Variants in ECT2L observed in about 807,000 individuals in gnomAD.
The protein encoded by ECT2L is epithelial cell transforming 2 like, also known as epithelial cell-transforming sequence 2 oncogene-like.
A neutral mutation model predicts 122.8 loss-of-function variants in ECT2L; 126 were observed. The observed-to-expected ratio is 1.03, with a 90% confidence interval of 0.89 to 1.19. The LOEUF is 1.19. Ranked by LOEUF, ECT2L falls within the 50% of genes most tolerant of loss-of-function variation. ECT2L has a pLI of 0.00. For missense variants in ECT2L, 1,012 were observed against 1,064.1 expected (o/e 0.95, Z 0.68); for synonymous variants, 385 against 381.8 (o/e 1.01, Z -0.10).
At chr6:138,841,399 G>A (rs928002352) in intron 5 of ECT2L, among the ~76,000 whole-genome samples, 1 of 152,200 alleles carries the variant, frequency 6.6e-6, no homozygotes, top group Admixed American at 6.5e-5. Context: ...CACGTCTAGT[G>A]CTAGGAACAA....
intron 9 of ECT2L, among the ~76,000 whole-genome samples, chr6:138,851,166 T>C (rs961979632): frequency 6.6e-6 from 1 of 152,064 alleles, no homozygotes; most frequent in East Asian, 1.9e-4. Flanking sequence ...ATTTTCTGTG[T>C]GTATCTGTGC....
At chr6:138,820,688 T>C (rs370739425) in intron 4 of ECT2L, among the ~76,000 whole-genome samples, 2 of 152,314 alleles carry the variant, frequency 1.3e-5, no homozygotes, top group East Asian at 3.9e-4. Context: ...AGATTCCTTT[T>C]ACACACAGGA....
chr6:138,900,892 T>C, intron 20 of ECT2L, 56 bp from the exon 21 acceptor site: 3 of 1,543,302 alleles, frequency 1.9e-6, no homozygotes, highest in Non-Finnish European at 2.6e-6. Flanking sequence ...TGCTTAACTA[T>C]GTAACAAAGC....
intron 21 of ECT2L, 97 bp downstream of exon 21, chr6:138,901,217 A>G (rs1007838672): frequency 4.7e-6 from 6 of 1,281,196 alleles, no homozygotes; most frequent in Non-Finnish European, 5.4e-6. Flanking sequence ...TGGAATTATA[A>G]TTTACCAGGT....
chr6:138,825,105 C>A (rs547972500), intron 4 of ECT2L, among the ~76,000 whole-genome samples: 6 of 152,238 alleles, frequency 3.9e-5, no homozygotes, highest in African/African-American at 1.4e-4. Flanking sequence ...CTAGGCCAGA[C>A]GGTCAGGGAA....
At position 138,901,095 on chromosome 6, in the gene ECT2L, C is replaced by T; in HGVS notation, c.2562C>T (p.Leu854=). 1 of 1,614,048 alleles carries T rather than the reference C, an allele frequency of 6.2e-7. No homozygotes were observed. The highest frequency in any genetic ancestry group is 8.5e-7 in the Non-Finnish European group (1 of 1,179,978). The change falls in exon 21 of 22, where the codon CTC becomes CTT. Residue 854 remains leucine, a synonymous_variant. Coordinates refer to ENST00000541398, the MANE Select transcript of ECT2L (RefSeq NM_001077706.3). The part of the protein sequence containing the change: ...FIASVALHRL[L]IENIPDSKYV... ...CATCAGTGGCCCTTCATCGGTTACT[C>T]ATAGAAAATATTCCAGATTCCAAGT...
Position 138,881,180 on chromosome 6 carries a change from T to C in ECT2L, c.1880+9T>C. On this transcript the variant is annotated intron_variant, in intron 15 of 21. Coordinates refer to ENST00000541398, the MANE Select transcript of ECT2L (RefSeq NM_001077706.3). The stretch of plus-strand genomic sequence containing the variant: ...ATTTTAAGTCTCAACAGGTAAACCC[T>C]GAATATGTATTTTTTTTAATATTCA... The C allele has an allele frequency of 6.2e-7, 1 of 1,610,918 alleles. No individual in the cohort carries two copies. Among genetic ancestry groups the C allele is most frequent in the Non-Finnish European group, 8.5e-7 (1 of 1,178,062 alleles).
intron 5 of ECT2L, among the ~76,000 whole-genome samples, chr6:138,839,120 A>T (rs1377444506): frequency 6.6e-6 from 1 of 152,166 alleles, no homozygotes; most frequent in Non-Finnish European, 1.5e-5. Flanking sequence ...TTTATGCTTT[A>T]GATTTTGTAT....
chr6:138,887,026 A>G, intron 19 of ECT2L, 104 bp downstream of exon 19: 2 of 905,054 alleles, frequency 2.2e-6, no homozygotes, highest in Non-Finnish European at 3.6e-6. Context: ...TATTTGTGGA[A>G]TGCCTGCTAC....
chr6:138,849,179 G>T (rs910780224), intron 8 of ECT2L, 90 bp from the exon 9 acceptor site: 6 of 1,235,390 alleles, frequency 4.9e-6, no homozygotes, highest in Non-Finnish European at 6.4e-6. Context: ...TAGAAATCAC[G>T]GCGTATTTTG....
chr6:138,882,785 G>T lies in ECT2L; in HGVS notation c.1942G>T (p.Glu648Ter). The change falls in exon 16 of 22, where the codon GAA becomes TAA. Residue 648 changes from glutamate to a stop codon, truncating the protein, a stop_gained. Coordinates refer to ENST00000541398, the MANE Select transcript of ECT2L (RefSeq NM_001077706.3). LOFTEE classifies it high-confidence loss of function. ...QEWGPAHCVG[E>*]IVTKFGSQLN... ...ATGGGGCCCAGCTCACTGTGTGGGA[G>T]AAATAGTCACGAAGTTTGGAAGCCA... 1 of 1,614,188 alleles carries T rather than the reference G, an allele frequency of 6.2e-7. No individual in the cohort carries two copies. The highest frequency in any genetic ancestry group is 8.5e-7 in the Non-Finnish European group (1 of 1,180,034).
chr6:138,902,793 T>C lies in ECT2L; in HGVS notation c.*166T>C, dbSNP rs1779448033. ...TCCAACTTTTAAACTTTATCACTTG[T>C]GCTCACTTATGTAGAATGTATAAGT... On this transcript the variant is annotated 3_prime_UTR_variant, in exon 22 of 22. Coordinates refer to ENST00000541398, the MANE Select transcript of ECT2L (RefSeq NM_001077706.3). 2.6e-6 allele frequency: 2 copies of C among 780,698 alleles called. No individual in the cohort carries two copies. Among genetic ancestry groups the C allele is most frequent in the Non-Finnish European group, 4.0e-6 (2 of 499,764 alleles). 48.4% of individuals were successfully genotyped at this position (780,698 alleles called of 1,614,324 possible). A position where few individuals can be genotyped will look rare whatever the true frequency, so the allele number is the denominator to read the frequency against.
chr6:138,821,754 C>A (rs532001987), intron 4 of ECT2L, among the ~76,000 whole-genome samples: 1 of 152,160 alleles, frequency 6.6e-6, no homozygotes, highest in African/African-American at 2.4e-5. Flanking sequence ...GTGAGCAGAG[C>A]GGAAAAGGGC....
rs1367983796 is a variant in ECT2L at position 138,844,463 on chromosome 6, G to A, written c.647G>A (p.Ser216Asn). The A allele has an allele frequency of 8.1e-6, 13 of 1,614,038 alleles. No homozygotes were observed. The highest frequency in any genetic ancestry group is 9.3e-6 in the Non-Finnish European group (11 of 1,180,024). ...PPWVSGTCCSSVLKPRCQPRL... is the reference protein window; with the variant it reads ...PPWVSGTCCSNVLKPRCQPRL... ...TGGGTGAGTGGAACTTGCTGCTCTA[G>A]CGTGCTAAAGCCCAGATGCCAACCA... The change falls in exon 7 of 22, where the codon AGC becomes AAC. Residue 216 changes from serine to asparagine, a missense_variant. Ser to Asn is a conservative substitution (Grantham distance 46). Transcript: ENST00000541398.
At chr6:138,814,700 GAA>G in intron 4 of ECT2L, 97 bp downstream of exon 4, 1 of 672,638 alleles carries the variant, frequency 1.5e-6, no homozygotes, top group Non-Finnish European at 2.3e-6. Flanking sequence ...TTCCTAGGGA[GAA>G]AAAAAAACAA....
At chr6:138,880,764 G>C (rs1041771581) in intron 14 of ECT2L, among the ~76,000 whole-genome samples, 193 bp from the exon 15 acceptor site, 8 of 152,292 alleles carry the variant, frequency 5.3e-5, no homozygotes, top group Middle Eastern at 6.8e-3. Flanking sequence ...TGGCCATCAG[G>C]CTGGCCCCAT....
chr6:138,900,904 T>A, intron 20 of ECT2L, 44 bp from the exon 21 acceptor site: 1 of 1,575,742 alleles, frequency 6.3e-7, no homozygotes, highest in South Asian at 1.2e-5. Context: ...TAACAAAGCA[T>A]GTATGTTATG....
At chr6:138,882,445 G>C (rs927203798) in intron 15 of ECT2L, among the ~76,000 whole-genome samples, 1 of 152,214 alleles carries the variant, frequency 6.6e-6, no homozygotes, top group African/African-American at 2.4e-5. Context: ...CAAGAGACTA[G>C]GACATTAGGC....
At chr6:138,866,857 G>C (rs1258034175) in intron 12 of ECT2L, among the ~76,000 whole-genome samples, 1 of 152,094 alleles carries the variant, frequency 6.6e-6, no homozygotes, top group Non-Finnish European at 1.5e-5. Context: ...TGGATTGCTT[G>C]AGCTCAGGAG....
Sources: gnomAD v4.1 joint callset for allele counts (sites outside exome capture counted in the v4.1 genomes callset) on GRCh38, gnomAD v4.1.1 for gene constraint, MANE v1.5 for transcripts, NCBI Gene and HGNC (gene_info 2026-07-23, HGNC 2026-07-21) for gene names.